The following SLC35F4 variants were observed in gnomAD, a reference collection of about 807,000 sequenced individuals.
SLC35F4 encodes the protein chromosome 14 open reading frame 36.
Under a neutral mutation model 44.2 loss-of-function variants are expected in SLC35F4, and 24 were observed. The observed-to-expected ratio is 0.54, with a 90% CI of 0.39 to 0.76. SLC35F4 has a LOEUF of 0.76. SLC35F4 is among the 30% of genes least tolerant of loss of function. The pLI is 0.00. For synonymous variants in SLC35F4, 238 were observed against 223.6 expected (o/e 1.06, Z -0.57); for missense variants, 562 against 586.1 (o/e 0.96, Z 0.42).
intron 1 of SLC35F4, among the ~76,000 whole-genome samples, chr14:57,696,523 C>A (rs2075387498): frequency 6.6e-6 from 1 of 152,194 alleles, no homozygotes; most frequent in South Asian, 2.1e-4. Context: ...TCCTCAAGAT[C>A]TAGAACAAGA....
chr14:57,724,871 G>A (rs1189323016), intron 1 of SLC35F4, among the ~76,000 whole-genome samples: 1 of 152,172 alleles, frequency 6.6e-6, no homozygotes, highest in Non-Finnish European at 1.5e-5. Flanking sequence ...CAGTGCACCT[G>A]GTTGTGCACT....
chr14:57,681,900 A>T (rs536084407), intron 1 of SLC35F4, among the ~76,000 whole-genome samples: 15 of 151,544 alleles, frequency 9.9e-5, no homozygotes, highest in African/African-American at 3.7e-4. Flanking sequence ...AAAAAAGCTC[A>T]TCATCACTGG....
intron 1 of SLC35F4, among the ~76,000 whole-genome samples, chr14:57,746,586 A>T (rs959855877): frequency 2.0e-5 from 3 of 152,086 alleles, no homozygotes; most frequent in Non-Finnish European, 4.4e-5. Flanking sequence ...TTCATGAGGG[A>T]TATCAGTATG....
intron 1 of SLC35F4, among the ~76,000 whole-genome samples, chr14:57,949,877 G>A (rs2141079549): frequency 6.6e-6 from 1 of 152,264 alleles, no homozygotes; most frequent in South Asian, 2.1e-4. Flanking sequence ...GGCTTAAAAG[G>A]TTTCTGCTGA....
At chr14:57,845,580 G>T (rs931214720) in intron 1 of SLC35F4, among the ~76,000 whole-genome samples, 1 of 152,146 alleles carries the variant, frequency 6.6e-6, no homozygotes, top group Non-Finnish European at 1.5e-5. Flanking sequence ...GCCTATTTGG[G>T]TATAATTTTC....
At chr14:57,724,308 G>A (rs1029092791) in intron 1 of SLC35F4, among the ~76,000 whole-genome samples, 3 of 152,172 alleles carry the variant, frequency 2.0e-5, no homozygotes, top group African/African-American at 7.2e-5. Context: ...TCCCATAGGT[G>A]AATCACAGTG....
At chr14:57,737,375 C>G (rs2076492740) in intron 1 of SLC35F4, among the ~76,000 whole-genome samples, 1 of 152,044 alleles carries the variant, frequency 6.6e-6, no homozygotes, top group African/African-American at 2.4e-5. Context: ...TTTTCTGCCT[C>G]CTTTTCTGGG....
At chr14:57,564,481 T>C (rs1368891299) in intron 7 of SLC35F4, 105 bp from the exon 8 acceptor site, 3 of 1,437,376 alleles carry the variant, frequency 2.1e-6, no homozygotes, top group Admixed American at 4.6e-5. Flanking sequence ...AGAGTCTTCT[T>C]TATTCTTCCA....
intron 1 of SLC35F4, among the ~76,000 whole-genome samples, chr14:57,641,107 C>A (rs1312844992): frequency 6.7e-6 from 1 of 149,186 alleles, no homozygotes; most frequent in Non-Finnish European, 1.5e-5. Context: ...TAGACAAACA[C>A]TAACTAGCCT....
chr14:57,727,493 G>A (rs1283257119), intron 1 of SLC35F4, among the ~76,000 whole-genome samples: 1 of 148,280 alleles, frequency 6.7e-6, no homozygotes, highest in Non-Finnish European at 1.5e-5. Context: ...GTTATTTTTA[G>A]CTTTTTTTTT....
intron 1 of SLC35F4, among the ~76,000 whole-genome samples, chr14:57,685,916 A>G (rs570558302): frequency 2.6e-5 from 4 of 152,326 alleles, no homozygotes; most frequent in African/African-American, 9.6e-5. Context: ...AAACCAGATA[A>G]CCATGTTCAT....
intron 1 of SLC35F4, among the ~76,000 whole-genome samples, chr14:57,775,365 A>G (rs1379051083): frequency 6.6e-6 from 1 of 152,240 alleles, no homozygotes; most frequent in East Asian, 1.9e-4. Context: ...CTACTGCCCT[A>G]TGAAGTGTTT....
rs191469489 is a variant in SLC35F4, at chr14:57,722,420, T to G, written c.104-128296A>C. ...GACCTACTCATCCCAGCTGGGAGGG[T>G]CCAGAAGATACACCCTTGACCAATG... On this transcript the variant is annotated intron_variant, in intron 1 of 7. Transcript: ENST00000556826. 3.3e-5 allele frequency among the ~76,000 whole-genome samples: 5 copies of G among 152,106 alleles called. No homozygotes were observed. The East Asian group carries it at 9.7e-4, about 29-fold the overall frequency.
At chr14:57,780,120 A>T (rs2077581417) in intron 1 of SLC35F4, among the ~76,000 whole-genome samples, 1 of 152,184 alleles carries the variant, frequency 6.6e-6, no homozygotes, top group Non-Finnish European at 1.5e-5. Flanking sequence ...ATGACATCCA[A>T]ATAGAAAGAG....
intron 1 of SLC35F4, among the ~76,000 whole-genome samples, chr14:57,790,432 T>C (rs2077886221): frequency 6.6e-6 from 1 of 152,288 alleles, no homozygotes; most frequent in East Asian, 1.9e-4. Flanking sequence ...TTACAAGTGA[T>C]GTGAAGGACC....
intron 1 of SLC35F4, among the ~76,000 whole-genome samples, chr14:57,879,279 G>GGTTCTATCCT (rs1888467292): frequency 6.6e-6 from 1 of 152,014 alleles, no homozygotes; most frequent in Non-Finnish European, 1.5e-5. Context: ...AGAAAACATA[G>GGTTCTATCCT]GTTCTATCCT....
intron 1 of SLC35F4, among the ~76,000 whole-genome samples, chr14:57,900,813 T>C (rs1444180938): frequency 6.6e-6 from 1 of 151,950 alleles, no homozygotes; most frequent in East Asian, 1.9e-4. Context: ...TACAAGGAAC[T>C]TAAACAAATT....
At chr14:57,867,638 T>G (rs1405940249), upstream of SLC35F4, among the ~76,000 whole-genome samples, 1 of 150,986 alleles carries the variant, frequency 6.6e-6, no homozygotes, top group Non-Finnish European at 1.5e-5. Flanking sequence ...AGCACACTTT[T>G]GTTAGTTTTA....
At chr14:57,720,245 T>G (rs2076049787) in intron 1 of SLC35F4, among the ~76,000 whole-genome samples, 1 of 152,214 alleles carries the variant, frequency 6.6e-6, no homozygotes, top group Non-Finnish European at 1.5e-5. Context: ...AGTTTTTTTC[T>G]GATAATTTTT....
Sources: allele counts gnomAD v4.1 joint callset (sites outside exome capture counted in the v4.1 genomes callset), GRCh38; gene constraint gnomAD v4.1.1; transcripts MANE v1.5; gene names NCBI Gene and HGNC (gene_info 2026-07-23, HGNC 2026-07-21).